Variants in DNAJC2 observed in about 807,000 individuals in gnomAD.
The protein encoded by DNAJC2 is DnaJ heat shock protein family (Hsp40) member C2.
A neutral mutation model predicts 94.0 loss-of-function variants in DNAJC2; 32 were observed. The observed-to-expected ratio is 0.34, with a 90% CI of 0.26 to 0.46. The LOEUF (loss-of-function observed/expected upper bound fraction) is 0.46, where lower values mean the gene tolerates loss of function less well. DNAJC2 is among the 20% of genes least tolerant of loss of function. The probability of loss-of-function intolerance (pLI) is 1.00; values close to 1 mark genes in which losing one functional copy is unlikely to be tolerated. For missense variants in DNAJC2, 550 were observed against 719.5 expected, an observed-to-expected ratio of 0.76 and a Z score of 2.69; for synonymous variants, 210 against 229.7, an observed-to-expected ratio of 0.91 and a Z score of 0.77.
intron 15 of DNAJC2, 141 bp from the exon 16 acceptor site, chr7:103,313,242 C>T: frequency 7.1e-7 from 1 of 1,411,808 alleles, no homozygotes; most frequent in Non-Finnish European, 9.2e-7. Context: ...ATGAGAGATA[C>T]ATATAGCCCT....
In DNAJC2 at chr7:103,341,398, G is replaced by A. The variant is rs374376878; in HGVS notation, c.255+366C>T. Among the ~76,000 whole-genome samples, 303 of 152,268 alleles carry A rather than the reference G, an allele frequency of 2.0e-3. 1 individual carries two copies. Among genetic ancestry groups the A allele is most frequent in the African/African-American group, 7.1e-3 (293 of 41,554 alleles). ...TAGATTTCTCATCACCATACCGCATGTACCCTATACGACTTATCAATTCCT... is the reference window on the plus strand; with the variant it reads ...TAGATTTCTCATCACCATACCGCATATACCCTATACGACTTATCAATTCCT... On this transcript the variant is annotated intron_variant, in intron 2 of 16. Transcript: ENST00000379263.
At position 103,322,222 on chromosome 7, in the gene DNAJC2, C is replaced by T. The variant is rs1020456758; in HGVS notation, c.934-141G>A. 9.3e-6 allele frequency: 6 copies of T among 644,998 alleles called. No individual in the cohort carries two copies. In the South Asian group the frequency reaches 1.2e-4, roughly 12 times the overall value. The allele number at this position is 644,998 out of a possible 1,614,324, so 40.0% of individuals were successfully genotyped here. On this transcript the variant is annotated intron_variant, in intron 9 of 16. Coordinates refer to ENST00000379263, the MANE Select transcript of DNAJC2 (RefSeq NM_014377.3). ...CTTATTGAAAACTGAAGGATGAACTCGGAAAGACAGCTGGTAAAGATCTAT... is the reference window on the plus strand; with the variant it reads ...CTTATTGAAAACTGAAGGATGAACTTGGAAAGACAGCTGGTAAAGATCTAT...
Position 103,324,784 on chromosome 7 carries a change from GAAAC to G in DNAJC2, c.573-226_573-223del, listed in dbSNP as rs1378950120. 3 of 295,776 alleles carry G rather than the reference GAAAC, an allele frequency of 1.0e-5. No homozygotes were observed. The Admixed American group carries it at 1.6e-4, about 16-fold the overall frequency. 18.3% of individuals were successfully genotyped at this position (295,776 alleles called of 1,614,324 possible). On this transcript the variant is annotated intron_variant, in intron 5 of 16. Coordinates refer to ENST00000379263, the MANE Select transcript of DNAJC2 (RefSeq NM_014377.3). ...CCAAAGATAGACTGGGGTGAGGAGAGAAACAACGGGACAGACTTCTAATCACAGG... is the reference window on the plus strand; with the variant it reads ...CCAAAGATAGACTGGGGTGAGGAGAGAACGGGACAGACTTCTAATCACAGG...
chr7:103,324,997 C>T (rs959879067), intron 5 of DNAJC2, among the ~76,000 whole-genome samples: 2 of 152,234 alleles, frequency 1.3e-5, no homozygotes, highest in Non-Finnish European at 2.9e-5. Flanking sequence ...ATCACCACCA[C>T]CACCTTCCCC....
chr7:103,340,089 C>T (rs1819321479), intron 2 of DNAJC2, among the ~76,000 whole-genome samples: 1 of 152,242 alleles, frequency 6.6e-6, no homozygotes, highest in Non-Finnish European at 1.5e-5. Flanking sequence ...CTGCCCGCCT[C>T]AGCCTCCCAA....
intron 5 of DNAJC2, among the ~76,000 whole-genome samples, chr7:103,326,048 G>A (rs1419382980): frequency 1.3e-5 from 2 of 151,644 alleles, no homozygotes; most frequent in African/African-American, 2.4e-5. Flanking sequence ...GCATGACCTC[G>A]GCTCACTGCA....
chr7:103,332,511 C>T (rs1340273224), intron 3 of DNAJC2, among the ~76,000 whole-genome samples: 1 of 152,170 alleles, frequency 6.6e-6, no homozygotes, highest in East Asian at 1.9e-4. Context: ...AGTTTATATT[C>T]AGCATTAGAA....
intron 2 of DNAJC2, among the ~76,000 whole-genome samples, chr7:103,339,199 G>A (rs1189405986): frequency 6.6e-6 from 1 of 152,192 alleles, no homozygotes; most frequent in Admixed American, 6.5e-5. Context: ...TAAGCTGTGT[G>A]TAAGCAGTAA....
intron 5 of DNAJC2, among the ~76,000 whole-genome samples, chr7:103,325,045 A>G (rs946846871): frequency 7.9e-5 from 12 of 152,158 alleles, no homozygotes; most frequent in Non-Finnish European, 1.5e-4. Flanking sequence ...TTCATTGATC[A>G]CTGGTGAAAA....
At chr7:103,332,633 T>G (rs536810130) in intron 3 of DNAJC2, among the ~76,000 whole-genome samples, 40 of 151,944 alleles carry the variant, frequency 2.6e-4, no homozygotes, top group Non-Finnish European at 5.0e-4. Context: ...CCTTTTTTTT[T>G]TGCGGGGGAG....
At chr7:103,324,000 G>GTTATCTCA (rs1429784249) in intron 6 of DNAJC2, among the ~76,000 whole-genome samples, 1 of 152,138 alleles carries the variant, frequency 6.6e-6, no homozygotes. Flanking sequence ...TCTCCAGTTT[G>GTTATCTCA]TATCCTCTGA....
chr7:103,316,859 C>T lies in DNAJC2; in HGVS notation c.1398G>A (p.Val466=), dbSNP rs751547267. Reference sequence around the variant, plus strand: ...AATTTGTTCCAGCAGGGAACAGATTCACAGCTTTAATTAGTAATTGTAGAT... The same window carrying T: ...AATTTGTTCCAGCAGGGAACAGATTTACAGCTTTAATTAGTAATTGTAGAT... ...EDDLQLLIKA[V]NLFPAGTNSR... The change falls in exon 13 of 17, where the codon GTG becomes GTA. Residue 466 remains valine (V), a synonymous_variant. Transcript: ENST00000379263. The T allele has an allele frequency of 6.2e-7, 1 of 1,613,876 alleles. No homozygotes were observed. Among genetic ancestry groups the T allele is most frequent in the Non-Finnish European group, 8.5e-7 (1 of 1,179,960 alleles).
At position 103,316,885 on chromosome 7, in the gene DNAJC2, C is replaced by T. The variant is rs373665995; in HGVS notation, c.1372G>A (p.Asp458Asn). ...GNGSKNWSEDDLQLLIKAVNL... is the reference protein window; with the variant it reads ...GNGSKNWSEDNLQLLIKAVNL... ...ACAGCTTTAATTAGTAATTGTAGAT[C>T]ATCTTCTGACCAATTTTTACTTCCA... Residue 458 changes from aspartate (D) to asparagine (N), a missense_variant, in exon 13 of 17, where the codon GAT (aspartate) becomes AAT (asparagine). Transcript: ENST00000379263. 2 of 1,613,994 alleles carry T rather than the reference C, an allele frequency of 1.2e-6. No homozygotes were observed. Among genetic ancestry groups the T allele is most frequent in the Admixed American group, 3.3e-5 (2 of 60,006 alleles).
intron 13 of DNAJC2, 113 bp downstream of exon 13, chr7:103,316,717 A>T: frequency 1.1e-6 from 1 of 917,926 alleles, no homozygotes; most frequent in Non-Finnish European, 1.6e-6. Flanking sequence ...CTGCTGTGGC[A>T]CAGAATTTAT....
intron 6 of DNAJC2, among the ~76,000 whole-genome samples, chr7:103,323,964 AGG>A (rs1450136554): frequency 6.6e-6 from 1 of 152,194 alleles, no homozygotes; most frequent in Non-Finnish European, 1.5e-5. Context: ...TCAAGTCTGA[AGG>A]TAACCCTAGT....
chr7:103,314,406 A>G, intron 15 of DNAJC2: 1 of 985,432 alleles, frequency 1.0e-6, no homozygotes, highest in South Asian at 4.7e-5. Context: ...GAGGCAAAGG[A>G]GTCATACCCA....
intron 1 of DNAJC2, 55 bp downstream of exon 1, chr7:103,344,504 G>A: frequency 1.3e-6 from 2 of 1,597,360 alleles, no homozygotes; most frequent in Non-Finnish European, 1.7e-6. Context: ...CGAGGCGGAG[G>A]ACTGAGGCAG....
intron 2 of DNAJC2, among the ~76,000 whole-genome samples, chr7:103,341,326 A>G (rs974466549): frequency 2.0e-4 from 31 of 152,206 alleles, no homozygotes; most frequent in Admixed American, 8.5e-4. Context: ...TTAGCATGGT[A>G]TAAAAAGGAC....
At chr7:103,324,765 A>G (rs1326609451) in intron 5 of DNAJC2, 3 of 359,320 alleles carry the variant, frequency 8.3e-6, no homozygotes, top group African/African-American at 4.3e-5. Flanking sequence ...GAGGCCAAAG[A>G]TAGACTGGGG....
Sources: gnomAD v4.1 joint callset for allele counts (sites outside exome capture counted in the v4.1 genomes callset) on GRCh38, gnomAD v4.1.1 for gene constraint, MANE v1.5 for transcripts, NCBI Gene and HGNC (gene_info 2026-07-23, HGNC 2026-07-21) for gene names.